The following GK5 variants were observed in gnomAD, a reference collection of about 807,000 sequenced individuals.
The protein encoded by GK5 is ATP:glycerol 3-phosphotransferase 5.
In GK5, 39 loss-of-function variants were observed where a neutral mutation model predicts 77.3. The observed-to-expected ratio is 0.50, with a 90% CI of 0.39 to 0.66. GK5 has a LOEUF of 0.66. Among genes scored for constraint, GK5 ranks in the 30% least tolerant of loss-of-function variants. The pLI is 0.00. For synonymous variants in GK5, 211 were observed against 208.0 expected, an observed-to-expected ratio of 1.01 and a Z score of -0.13; for missense variants, 487 against 633.8, an observed-to-expected ratio of 0.77 and a Z score of 2.49.
intron 5 of GK5, 74 bp from the exon 6 acceptor site, chr3:142,187,853 G>T: frequency 1.9e-6 from 2 of 1,036,390 alleles, no homozygotes; most frequent in Non-Finnish European, 2.9e-6. Context: ...GCAGATCAGT[G>T]ATACAATATA....
At chr3:142,191,892 G>C (rs2063856728) in intron 5 of GK5, among the ~76,000 whole-genome samples, 1 of 152,100 alleles carries the variant, frequency 6.6e-6, no homozygotes, top group African/African-American at 2.4e-5. Context: ...AGTTACTCAG[G>C]AGGCTGGGGC....
At chr3:142,212,992 G>A (rs541722511) in intron 3 of GK5, among the ~76,000 whole-genome samples, 6 of 151,400 alleles carry the variant, frequency 4.0e-5, no homozygotes, top group African/African-American at 9.7e-5. Flanking sequence ...TCGCCACCTC[G>A]CCCGGCTAAT....
In GK5 at chr3:142,225,378, C is replaced by T. The variant is rs553539600; in HGVS notation, c.78G>A (p.Val26=). Residue 26 remains valine, a synonymous_variant, in exon 1 of 16, where the codon GTG becomes GTA. Transcript: ENST00000392993. ...RYPGFVLGLD[V]GSSVIRCHVY... is the part of the protein sequence containing the mutation. ...CGTGGCAGCGGATCACAGAACTGCC[C>T]ACATCCAGCCCCAGCACGAAGCCGG... is the stretch of plus-strand genomic sequence containing the variant. The T allele has an allele frequency of 6.3e-7, 1 of 1,592,406 alleles. No individual in the cohort carries two copies.
chr3:142,200,947 G>T (rs1006544014), intron 4 of GK5, among the ~76,000 whole-genome samples: 1 of 152,108 alleles, frequency 6.6e-6, no homozygotes, highest in African/African-American at 2.4e-5. Flanking sequence ...GATTTAAGAA[G>T]ACAGACTGTA....
At chr3:142,190,371 A>C (rs2063831951) in intron 5 of GK5, among the ~76,000 whole-genome samples, 2 of 152,232 alleles carry the variant, frequency 1.3e-5, no homozygotes. Context: ...CACAAAAAAA[A>C]AGTTGAGCAA....
rs1406756692 is a variant in GK5 at position 142,165,046 on chromosome 3, AC to A, written c.*575del. 10 of 152,656 alleles carry A rather than the reference AC, an allele frequency of 6.6e-5. No homozygotes were observed. Among genetic ancestry groups the A allele is most frequent in the Admixed American group, 2.6e-4 (4 of 15,284 alleles). 9.5% of individuals were successfully genotyped at this position (152,656 alleles called of 1,614,324 possible). On this transcript the variant is annotated 3_prime_UTR_variant, in exon 16 of 16. Coordinates refer to ENST00000392993, the MANE Select transcript of GK5 (RefSeq NM_001039547.3). ...TTAAGACCAGTAAAGGAAAGCATTA[AC>A]TATCTCATAAGCTTATCTGAGAGGG...
intron 15 of GK5, among the ~76,000 whole-genome samples, chr3:142,167,838 C>G (rs922854296): frequency 6.6e-6 from 1 of 152,166 alleles, no homozygotes; most frequent in African/African-American, 2.4e-5. Flanking sequence ...ATGGCGAAAC[C>G]CCATCTCTAC....
In GK5 at chr3:142,225,533, G is replaced by T; in HGVS notation, c.-78C>A. The T allele has an allele frequency of 6.6e-7, 1 of 1,521,022 alleles. No individual in the cohort carries two copies. Among genetic ancestry groups the T allele is most frequent in the South Asian group, 1.2e-5 (1 of 82,474 alleles). 94.2% of individuals were successfully genotyped at this position (1,521,022 alleles called of 1,614,324 possible). A position where few individuals can be genotyped will look rare whatever the true frequency, so the allele number is the denominator to read the frequency against. On this transcript the variant is annotated 5_prime_UTR_variant, in exon 1 of 16. Coordinates refer to ENST00000392993, the MANE Select transcript of GK5 (RefSeq NM_001039547.3). ...AAATCCCAATGCTCCAGAGTCCCCG[G>T]GCGGCCCAACCCGGGCCCCAACCCG...
chr3:142,171,222 C>T (rs549118254), intron 14 of GK5, among the ~76,000 whole-genome samples, 197 bp downstream of exon 14: 2 of 151,274 alleles, frequency 1.3e-5, no homozygotes, highest in African/African-American at 2.4e-5. Context: ...CACAGCAAGA[C>T]TCTGTCTCGA....
intron 15 of GK5, among the ~76,000 whole-genome samples, chr3:142,168,733 C>G (rs537497146): frequency 5.8e-5 from 8 of 138,778 alleles, no homozygotes; most frequent in South Asian, 5.6e-4. Flanking sequence ...CCCACCCCCC[C>G]ACCCCCGGTT....
At chr3:142,182,330 T>C (rs1427119577) in intron 10 of GK5, among the ~76,000 whole-genome samples, 1 of 151,756 alleles carries the variant, frequency 6.6e-6, no homozygotes, top group Non-Finnish European at 1.5e-5. Context: ...AAAAAAAAAA[T>C]TTAGAACCCT....
At chr3:142,219,027 A>G (rs1279543341) in intron 1 of GK5, among the ~76,000 whole-genome samples, 1 of 152,214 alleles carries the variant, frequency 6.6e-6, no homozygotes, top group Non-Finnish European at 1.5e-5. Context: ...GAGAAATGCA[A>G]GTCAAATCAA....
chr3:142,181,568 T>G lies in GK5; in HGVS notation c.944-3A>C. 1 of 1,596,760 alleles carries G rather than the reference T, an allele frequency of 6.3e-7. No homozygotes were observed. Among genetic ancestry groups the G allele is most frequent in the East Asian group, 2.2e-5 (1 of 44,724 alleles). On this transcript the variant is annotated splice_polypyrimidine_tract_variant and splice_region_variant and intron_variant, in intron 10 of 15. Coordinates refer to ENST00000392993, the MANE Select transcript of GK5 (RefSeq NM_001039547.3). ...CCACCCAATTAATGGATAAAAGCCT[T>G]GCAAAACAAACAACGAATGTTAAGT... is the stretch of plus-strand genomic sequence containing the variant.
At position 142,172,701 on chromosome 3, in the gene GK5, T is replaced by C. The variant is rs573446955; in HGVS notation, c.1144-245A>G. ...TATGTCAGAAAGAGGAACTGAAGCA[T>C]ATAGTAACAAATTATTAAATGCTTA... On this transcript the variant is annotated intron_variant, in intron 12 of 15. Coordinates refer to ENST00000392993, the MANE Select transcript of GK5 (RefSeq NM_001039547.3). 5.3e-5 allele frequency among the ~76,000 whole-genome samples: 8 copies of C among 152,292 alleles called. No individual in the cohort carries two copies. In the South Asian group the frequency reaches 1.0e-3, roughly 20 times the overall value.
chr3:142,215,486 T>C, intron 2 of GK5, 113 bp downstream of exon 2: 2 of 540,928 alleles, frequency 3.7e-6, no homozygotes, highest in Non-Finnish European at 3.3e-6. Flanking sequence ...GTAATCCCAA[T>C]AAAATACTAT....
intron 4 of GK5, among the ~76,000 whole-genome samples, chr3:142,200,563 T>C (rs961885402): frequency 6.6e-6 from 1 of 152,228 alleles, no homozygotes; most frequent in Admixed American, 6.5e-5. Flanking sequence ...CCATAAGCCT[T>C]CTTCTGATTT....
chr3:142,169,337 G>A (rs1173913566), intron 15 of GK5, among the ~76,000 whole-genome samples: 1 of 152,190 alleles, frequency 6.6e-6, no homozygotes, highest in African/African-American at 2.4e-5. Flanking sequence ...ATTTGAGCAA[G>A]AATACTGCTA....
At chr3:142,180,526 TC>T (rs1371710092) in intron 11 of GK5, among the ~76,000 whole-genome samples, 1 of 152,164 alleles carries the variant, frequency 6.6e-6, no homozygotes, top group Non-Finnish European at 1.5e-5. Context: ...GATCTCGAAC[TC>T]CCAACCTCAG....
intron 5 of GK5, among the ~76,000 whole-genome samples, chr3:142,191,869 C>T (rs563618853): frequency 1.1e-4 from 16 of 152,040 alleles, no homozygotes; most frequent in African/African-American, 1.4e-4. Context: ...TGGTGGCACA[C>T]GCCTGTAGTC....
Sources: allele counts gnomAD v4.1 joint callset (sites outside exome capture counted in the v4.1 genomes callset), GRCh38; gene constraint gnomAD v4.1.1; transcripts MANE v1.5; gene names NCBI Gene and HGNC (gene_info 2026-07-23, HGNC 2026-07-21).